Variants in CDH4 observed in about 807,000 individuals in gnomAD.
CDH4 encodes the protein cadherin 4, also known as cadherin-4.
CDH4 carries 33 observed loss-of-function variants against 86.0 expected under a neutral mutation model. That is an observed-to-expected ratio of 0.38 (90% confidence interval 0.29 to 0.51). The LOEUF is 0.51. Among genes scored for constraint, CDH4 ranks in the 20% least tolerant of loss-of-function variants. The probability of loss-of-function intolerance (pLI) is 0.86; values close to 1 mark genes in which losing one functional copy is unlikely to be tolerated. For synonymous variants in CDH4, 555 were observed against 549.4 expected (o/e 1.01, Z -0.14); for missense variants, 1,114 against 1,307.4 (o/e 0.85, Z 2.28).
chr20:61,477,009 C>T (rs1207148918), intron 2 of CDH4, among the ~76,000 whole-genome samples: 1 of 152,226 alleles, frequency 6.6e-6, no homozygotes, highest in African/African-American at 2.4e-5. Flanking sequence ...CAAAGGCAGA[C>T]AGGGGCTTCT....
Position 61,252,621 on chromosome 20 carries a change from G to A in CDH4, c.57+51G>A, listed in dbSNP as rs2084068585. On this transcript the variant is annotated intron_variant, in intron 1 of 15. Transcript: ENST00000614565. The surrounding 1 kb of genome is among the most constrained non-coding windows in gnomAD (Gnocchi z 4.4). Reference sequence around the variant, plus strand: ...CGTTCGGAAGCCCCGGGCAGCGGGAGGTCGTCCCCGGATCCCGCGGGGCGC... The same window carrying A: ...CGTTCGGAAGCCCCGGGCAGCGGGAAGTCGTCCCCGGATCCCGCGGGGCGC... 1 of 1,105,214 alleles carries A rather than the reference G, an allele frequency of 9.0e-7. No homozygotes were observed. Among genetic ancestry groups the A allele is most frequent in the Non-Finnish European group, 1.1e-6 (1 of 882,102 alleles). 68.5% of individuals were successfully genotyped at this position (1,105,214 alleles called of 1,614,324 possible).
intron 3 of CDH4, among the ~76,000 whole-genome samples, chr20:61,769,231 A>C (rs1022281928): frequency 2.6e-5 from 4 of 152,118 alleles, no homozygotes; most frequent in African/African-American, 9.6e-5. Flanking sequence ...CTCCAACTGC[A>C]GAACATATCA....
intron 2 of CDH4, among the ~76,000 whole-genome samples, chr20:61,689,090 G>C (rs2087623078): frequency 6.6e-6 from 1 of 152,270 alleles, no homozygotes; most frequent in Non-Finnish European, 1.5e-5. Flanking sequence ...GGGTAGCTGT[G>C]ACTGACTCAC....
In CDH4 at chr20:61,902,290, C is replaced by G. The variant is rs551891498; in HGVS notation, c.1188+7243C>G. Among the ~76,000 whole-genome samples, 6 of 152,222 alleles carry G rather than the reference C, an allele frequency of 3.9e-5. No individual in the cohort carries two copies. Among genetic ancestry groups the G allele is most frequent in the African/African-American group, 1.4e-4 (6 of 41,462 alleles). On this transcript the variant is annotated intron_variant, in intron 8 of 15. Transcript: ENST00000614565. This position sits in a 1 kb window ranked among gnomAD's most constrained non-coding sequence, Gnocchi z 4.6. The stretch of plus-strand genomic sequence containing the variant: ...CCGGGGCCTCTGAAACCAGGACCCC[C>G]GGGGCCTCCATTCCAGGAGAAGCAG...
intron 2 of CDH4, among the ~76,000 whole-genome samples, chr20:61,642,585 T>A (rs542606443): frequency 1.5e-4 from 23 of 152,282 alleles, no homozygotes; most frequent in African/African-American, 5.5e-4. Flanking sequence ...ACGAACCGCA[T>A]GATCCTTAAG....
At chr20:61,854,056 T>C (rs1982869170) in intron 6 of CDH4, among the ~76,000 whole-genome samples, 1 of 152,188 alleles carries the variant, frequency 6.6e-6, no homozygotes, top group Admixed American at 6.5e-5. Context: ...TCGAGTTTAA[T>C]GGGGTGTCCT....
At chr20:61,711,220 G>A (rs1272356940) in intron 2 of CDH4, among the ~76,000 whole-genome samples, 1 of 152,120 alleles carries the variant, frequency 6.6e-6, no homozygotes, top group Non-Finnish European at 1.5e-5. Context: ...TCTCCTTCCT[G>A]CCTTCTTGTG....
intron 2 of CDH4, among the ~76,000 whole-genome samples, chr20:61,453,512 G>A (rs569318947): frequency 1.3e-5 from 2 of 152,238 alleles, no homozygotes; most frequent in East Asian, 1.9e-4. Context: ...TAGGTCCTCA[G>A]GAGTAAAGGA....
intron 2 of CDH4, among the ~76,000 whole-genome samples, chr20:61,466,909 T>A (rs1383426353): frequency 3.3e-5 from 1 of 30,192 alleles, no homozygotes; most frequent in African/African-American, 1.3e-4. Context: ...AGGGCGGGGG[T>A]GGGGGCAACC....
chr20:61,458,518 G>T (rs1017371802), intron 2 of CDH4, among the ~76,000 whole-genome samples: 2 of 152,034 alleles, frequency 1.3e-5, no homozygotes, highest in Admixed American at 6.6e-5. Context: ...TCACGATGGT[G>T]ATGACAGTGC....
At position 61,618,616 on chromosome 20, in the gene CDH4, G is replaced by A. The variant is rs185426712; in HGVS notation, c.170-124947G>A. 3.3e-5 allele frequency among the ~76,000 whole-genome samples: 5 copies of A among 152,248 alleles called. No individual in the cohort carries two copies. The East Asian group carries it at 5.8e-4, about 18-fold the overall frequency. On this transcript the variant is annotated intron_variant, in intron 2 of 15. Coordinates refer to ENST00000614565, the MANE Select transcript of CDH4 (RefSeq NM_001794.5). Reference sequence around the variant, plus strand: ...ATGACTGGAGGTGCATCCAGCACCCGGCATGGTCCTGGTTATGGAGCAATT... The same window carrying A: ...ATGACTGGAGGTGCATCCAGCACCCAGCATGGTCCTGGTTATGGAGCAATT...
chr20:61,430,054 C>T (rs1322154588), intron 2 of CDH4, among the ~76,000 whole-genome samples: 1 of 152,224 alleles, frequency 6.6e-6, no homozygotes, highest in Non-Finnish European at 1.5e-5. Context: ...CAGCAGATTT[C>T]CCATGGATCT....
intron 2 of CDH4, among the ~76,000 whole-genome samples, chr20:61,308,263 C>T (rs928527707): frequency 5.3e-5 from 8 of 152,208 alleles, no homozygotes; most frequent in Non-Finnish European, 1.2e-4. Flanking sequence ...AAGGGTTCTG[C>T]AGATGAGTTC....
At chr20:61,761,987 G>A (rs936539321) in intron 3 of CDH4, among the ~76,000 whole-genome samples, 4 of 152,234 alleles carry the variant, frequency 2.6e-5, no homozygotes, top group South Asian at 4.1e-4. Flanking sequence ...AGGGCTGGGC[G>A]CAAGGAAAAG....
chr20:61,258,192 C>T (rs1568770245), intron 2 of CDH4, among the ~76,000 whole-genome samples: 2 of 151,744 alleles, frequency 1.3e-5, no homozygotes, highest in Non-Finnish European at 2.9e-5. Flanking sequence ...TAGCCGGGCG[C>T]GGTGGCGGGA....
intron 4 of CDH4, among the ~76,000 whole-genome samples, chr20:61,790,108 CCCATCCATTCAT>C (rs1979091125): frequency 6.6e-6 from 1 of 152,058 alleles, no homozygotes; most frequent in Non-Finnish European, 1.5e-5. Context: ...CTTCTACCTA[CCCATCCATTCAT>C]CCATCCATCC....
intron 2 of CDH4, among the ~76,000 whole-genome samples, chr20:61,439,865 C>G (rs1410356941): frequency 6.6e-6 from 1 of 152,216 alleles, no homozygotes; most frequent in Non-Finnish European, 1.5e-5. Flanking sequence ...TTGTATCGCC[C>G]TAGTTACATG....
intron 2 of CDH4, among the ~76,000 whole-genome samples, chr20:61,726,942 C>T (rs750318430): frequency 1.6e-4 from 25 of 152,012 alleles, no homozygotes; most frequent in Non-Finnish European, 3.1e-4. Context: ...CCATCATCAC[C>T]ATCAGAGCCA....
intron 5 of CDH4, 35 bp from the exon 6 acceptor site, chr20:61,852,719 C>T: frequency 1.3e-6 from 2 of 1,593,434 alleles, no homozygotes; most frequent in Non-Finnish European, 1.7e-6. Flanking sequence ...GGGGTGCCCA[C>T]CCGCCACTGG....
Sources: allele counts gnomAD v4.1 joint callset (sites outside exome capture counted in the v4.1 genomes callset), GRCh38; gene constraint gnomAD v4.1.1; non-coding constraint Gnocchi (gnomAD v3.1); transcripts MANE v1.5; gene names NCBI Gene and HGNC (gene_info 2026-07-23, HGNC 2026-07-21).